TRPM6: variants seen among roughly 807,000 people sequenced by gnomAD.
The protein encoded by TRPM6 is transient receptor potential cation channel subfamily M member 6.
Under a neutral mutation model 247.6 loss-of-function variants are expected in TRPM6, and 111 were observed. The observed-to-expected ratio is 0.45, with a 90% CI of 0.38 to 0.52. The LOEUF (loss-of-function observed/expected upper bound fraction) is 0.52, where lower values mean the gene tolerates loss of function less well. Ranked by LOEUF, TRPM6 falls within the 20% of genes least tolerant of loss-of-function variation. The pLI, the probability that TRPM6 is intolerant of heterozygous loss-of-function variation, is 0.00. For missense variants in TRPM6, 2,126 were observed against 2,421.5 expected (o/e 0.88, Z 2.56); for synonymous variants, 892 against 853.8 (o/e 1.04, Z -0.78).
chr9:74,756,376 C>T (rs952924674), intron 27 of TRPM6, among the ~76,000 whole-genome samples: 5 of 151,898 alleles, frequency 3.3e-5, no homozygotes, highest in African/African-American at 1.2e-4. Context: ...TTAAATAAGG[C>T]AGAGCATTAA....
intron 6 of TRPM6, among the ~76,000 whole-genome samples, chr9:74,833,551 C>T (rs1242582866): frequency 6.6e-6 from 1 of 152,074 alleles, no homozygotes; most frequent in African/African-American, 2.4e-5. Flanking sequence ...AGAGGAATGG[C>T]GTGATCTGAT....
At position 74,801,891 on chromosome 9, in the gene TRPM6, C is replaced by G. The variant is rs772847325; in HGVS notation, c.2009+7G>C. On this transcript the variant is annotated splice_region_variant and intron_variant, in intron 16 of 38. Transcript: ENST00000360774. ...TGTTTAGTATGAAGTGAAGAGAGAA[C>G]ACTTACTTTGAGTAATTCTTCAACT... 1.2e-6 allele frequency: 2 copies of G among 1,614,034 alleles called. No homozygotes were observed. Among genetic ancestry groups the G allele is most frequent in the South Asian group, 1.1e-5 (1 of 91,090 alleles).
chr9:74,789,977 A>G (rs1827844629), intron 19 of TRPM6, among the ~76,000 whole-genome samples: 3 of 147,202 alleles, frequency 2.0e-5, no homozygotes, highest in African/African-American at 7.6e-5. Flanking sequence ...AAAAAAAAAA[A>G]AAAAAAAAGA....
chr9:74,827,830 C>A lies in TRPM6; in HGVS notation c.789G>T (p.Met263Ile), dbSNP rs750163132. 1.1e-5 allele frequency: 17 copies of A among 1,613,976 alleles called. No individual in the cohort carries two copies. Among genetic ancestry groups the A allele is most frequent in the South Asian group, 2.2e-5 (2 of 91,076 alleles). The change falls in exon 7 of 39, where the codon ATG (methionine) becomes ATT (isoleucine). Residue 263 changes from methionine (M) to isoleucine (I), a missense_variant. Coordinates refer to ENST00000360774, the MANE Select transcript of TRPM6 (RefSeq NM_017662.5). ...ACTTCTCCAGGTTCCTTCTGAGCTTCATTTCATTTCCATACTTGCCCACGG... is the reference window on the plus strand; with the variant it reads ...ACTTCTCCAGGTTCCTTCTGAGCTTAATTTCATTTCCATACTTGCCCACGG... ...DGTVGKYGNE[M>I]KLRRNLEKYL...
In TRPM6 at chr9:74,763,080, T is replaced by C. The variant is rs1826708147; in HGVS notation, c.3591A>G (p.Ile1197Met). The C allele has an allele frequency of 1.9e-6, 3 of 1,613,928 alleles. No homozygotes were observed. Among genetic ancestry groups the C allele is most frequent in the Admixed American group, 3.3e-5 (2 of 59,994 alleles). The change falls in exon 26 of 39, where the codon ATA becomes ATG. Residue 1197 changes from isoleucine to methionine, a missense_variant. Ile to Met is a conservative substitution (Grantham distance 10). Around this residue, in one of 3 missense-constraint regions of TRPM6, gnomAD observed 717 missense variants for 715.9 expected, o/e 1.00. Transcript: ENST00000360774. The part of the protein sequence containing the change: ...LKEMNEKVSF[I>M]KDSLLSLDSQ... The stretch of plus-strand genomic sequence containing the variant: ...TGTCCAAAGACAGTAAGGAGTCCTT[T>C]ATAAAAGACACCTTTTCATTCATTT...
intron 28 of TRPM6, among the ~76,000 whole-genome samples, chr9:74,752,607 C>T (rs1363280118): frequency 6.6e-6 from 1 of 152,176 alleles, no homozygotes; most frequent in Non-Finnish European, 1.5e-5. Flanking sequence ...ACAACTTACA[C>T]TTCTCTATTG....
At chr9:74,845,079 G>A (rs1830063832) in intron 3 of TRPM6, among the ~76,000 whole-genome samples, 1 of 152,118 alleles carries the variant, frequency 6.6e-6, no homozygotes, top group South Asian at 2.1e-4. Context: ...TTACAATAGT[G>A]ACATCAAAGA....
rs1396046419 is a variant in TRPM6 at position 74,724,268 on chromosome 9, T to C, written c.*345A>G. ...ACATAGTGAGAAAATAAAATAAATG[T>C]ATCCCCCCCAACCCCATCCTTTAAT... is the stretch of plus-strand genomic sequence containing the variant. On this transcript the variant is annotated 3_prime_UTR_variant, in exon 39 of 39. Transcript: ENST00000360774. 5 of 353,032 alleles carry C rather than the reference T, an allele frequency of 1.4e-5. No individual in the cohort carries two copies. Among genetic ancestry groups the C allele is most frequent in the Non-Finnish European group, 2.7e-5 (5 of 186,328 alleles). 21.9% of individuals were successfully genotyped at this position (353,032 alleles called of 1,614,324 possible). A position where few individuals can be genotyped will look rare whatever the true frequency, so the allele number is the denominator to read the frequency against.
chr9:74,860,682 A>G (rs112800942), intron 1 of TRPM6, among the ~76,000 whole-genome samples: 2,785 of 152,254 alleles, frequency 0.018, 75 homozygotes, highest in African/African-American at 0.062. Flanking sequence ...CTTAAAAGGA[A>G]CTAAATGAAC....
In TRPM6 at chr9:74,723,871, T is replaced by G. The variant is rs1389991194; in HGVS notation, c.*742A>C. 6.8e-6 allele frequency: 1 copy of G among 146,658 alleles called. No individual in the cohort carries two copies. The highest frequency in any genetic ancestry group is 2.1e-4 in the South Asian group (1 of 4,768). The allele number at this position is 146,658 out of a possible 1,614,324, so 9.1% of individuals were successfully genotyped here. Reference sequence around the variant, plus strand: ...GTATTTTATATATATAATATATATATTCCATATATATTATATATATAAAAA... The same window carrying G: ...GTATTTTATATATATAATATATATAGTCCATATATATTATATATATAAAAA... On this transcript the variant is annotated 3_prime_UTR_variant, in exon 39 of 39. Coordinates refer to ENST00000360774, the MANE Select transcript of TRPM6 (RefSeq NM_017662.5).
In TRPM6 at chr9:74,800,908, T is replaced by TG. The variant is rs1461243807; in HGVS notation, c.2010-427_2010-426insC. ...TGATAAGACCTAATAAAGTGTGTTT[T>TG]TTTTTTTTTTTTTGACAAAAAAAAC... On this transcript the variant is annotated intron_variant, in intron 16 of 38. Coordinates refer to ENST00000360774, the MANE Select transcript of TRPM6 (RefSeq NM_017662.5). 4.6e-5 allele frequency among the ~76,000 whole-genome samples: 7 copies of TG among 151,162 alleles called. No individual in the cohort carries two copies. In the South Asian group the frequency reaches 1.2e-3, roughly 27 times the overall value.
intron 4 of TRPM6, 148 bp from the exon 5 acceptor site, chr9:74,840,385 G>A (rs1829892860): frequency 1.4e-5 from 9 of 657,662 alleles, no homozygotes. Flanking sequence ...TTCATGTAAT[G>A]GAAATATTTA....
rs1587542527 is a variant in TRPM6, at chr9:74,820,345, G to T, written c.1093C>A (p.Leu365Ile). 1.9e-6 allele frequency: 3 copies of T among 1,614,012 alleles called. No homozygotes were observed. Among genetic ancestry groups the T allele is most frequent in the Non-Finnish European group, 2.5e-6 (3 of 1,179,976 alleles). ...FNFSLKQSKHLFQILMECMVH... is the reference protein window; with the variant it reads ...FNFSLKQSKHIFQILMECMVH... Reference sequence around the variant, plus strand: ...ATACACTCCATTAGAATTTGGAAAAGGTGCTTGGACTGTTTAAGACTAAAG... The same window carrying T: ...ATACACTCCATTAGAATTTGGAAAATGTGCTTGGACTGTTTAAGACTAAAG... Residue 365 changes from leucine (L) to isoleucine (I), a missense_variant, in exon 9 of 39, where the codon CTT becomes ATT. By Grantham distance (5) the Leu-to-Ile change is conservative. Around this residue, in one of 3 missense-constraint regions of TRPM6, gnomAD observed 1,082 missense variants for 1,307.9 expected, o/e 0.83. Transcript: ENST00000360774.
chr9:74,783,992 A>C (rs112630286), intron 21 of TRPM6, among the ~76,000 whole-genome samples: 1,769 of 152,288 alleles, frequency 0.012, 21 homozygotes, highest in Non-Finnish European at 0.018. Context: ...TCAGTAGCTC[A>C]CGCCTGTAAT....
intron 1 of TRPM6, among the ~76,000 whole-genome samples, chr9:74,863,887 C>A (rs1158309715): frequency 9.3e-6 from 1 of 107,606 alleles, no homozygotes; most frequent in African/African-American, 2.9e-5. Flanking sequence ...CGCCCGGCAA[C>A]CTTTTTTTTT....
At chr9:74,796,647 T>C in intron 18 of TRPM6, 94 bp downstream of exon 18, 1 of 1,329,526 alleles carries the variant, frequency 7.5e-7, no homozygotes, top group Non-Finnish European at 1.1e-6. Flanking sequence ...TAACTTTTGT[T>C]TAATAGATGG....
rs756675342 is a variant in TRPM6 at position 74,782,427 on chromosome 9, G to A, written c.3144C>T (p.Phe1048=). The A allele has an allele frequency of 5.9e-5, 95 of 1,614,014 alleles. No homozygotes were observed. Among genetic ancestry groups the A allele is most frequent in the Non-Finnish European group, 7.7e-5 (91 of 1,180,016 alleles). ...GCACGAAGAGGTAGACAGCTTGCAA[G>A]AATGGAGTAAGAAAAGAACCAGGAG... is the stretch of plus-strand genomic sequence containing the variant. ...SCPPGSFLTP[F]LQAVYLFVQY... is the part of the protein sequence containing the mutation. Residue 1048 remains phenylalanine (F), a synonymous_variant, in exon 23 of 39, where the codon TTC becomes TTT. Coordinates refer to ENST00000360774, the MANE Select transcript of TRPM6 (RefSeq NM_017662.5).
At chr9:74,742,759 T>C in intron 32 of TRPM6, 133 bp from the exon 33 acceptor site, 1 of 778,908 alleles carries the variant, frequency 1.3e-6, no homozygotes, top group South Asian at 1.5e-5. Context: ...TTATCAAAAA[T>C]ATAATCTATA....
rs999591483 is a variant in TRPM6 at position 74,726,040 on chromosome 9, G to A, written c.5936-1294C>T. Among the ~76,000 whole-genome samples, 12 of 152,242 alleles carry A rather than the reference G, an allele frequency of 7.9e-5. No individual in the cohort carries two copies. In the South Asian group the frequency reaches 1.0e-3, roughly 13 times the overall value. ...CATATAAAAAAATATGAAGGGAAACGTAGTCAAACAAAAATGAAAAATCAC... is the reference window on the plus strand; with the variant it reads ...CATATAAAAAAATATGAAGGGAAACATAGTCAAACAAAAATGAAAAATCAC... On this transcript the variant is annotated intron_variant, in intron 38 of 38. Coordinates refer to ENST00000360774, the MANE Select transcript of TRPM6 (RefSeq NM_017662.5).
Sources: allele counts gnomAD v4.1 joint callset (sites outside exome capture counted in the v4.1 genomes callset), GRCh38; gene constraint gnomAD v4.1.1; regional missense constraint gnomAD v4.1.1; transcripts MANE v1.5; gene names NCBI Gene and HGNC (gene_info 2026-07-23, HGNC 2026-07-21).